The following SNRPN variants were observed in gnomAD, a reference collection of about 807,000 sequenced individuals.
SNRPN encodes small nuclear ribonucleoprotein polypeptide N.
SNRPN carries 7 observed loss-of-function variants against 25.2 expected under a neutral mutation model. The ratio of observed to expected loss-of-function variants is 0.28; its 90% CI spans 0.16 to 0.52. SNRPN has a LOEUF of 0.52. Among genes scored for constraint, SNRPN ranks in the 20% least tolerant of loss-of-function variants. SNRPN has a pLI of 0.96. For missense variants in SNRPN, 196 were observed against 322.5 expected, an observed-to-expected ratio of 0.61 and a Z score of 3.00; for synonymous variants, 124 against 110.6, an observed-to-expected ratio of 1.12 and a Z score of -0.76.
intron 1 of SNRPN, among the ~76,000 whole-genome samples, chr15:24,884,148 C>A (rs78420938): frequency 4.9e-3 from 514 of 104,484 alleles, no homozygotes; most frequent in Admixed American, 5.7e-3. Context: ...CCTGCCTCTA[C>A]AAAAAAAAAA....
intron 2 of SNRPN, among the ~76,000 whole-genome samples, chr15:24,918,146 T>C (rs1055324108): frequency 6.6e-6 from 1 of 151,804 alleles, no homozygotes; most frequent in Middle Eastern, 3.2e-3. Flanking sequence ...CATATGTGTA[T>C]ACTGAATTTG....
In SNRPN at chr15:24,967,953, T is replaced by C. The variant is rs150955815; in HGVS notation, c.-273T>C. On this transcript the variant is annotated 5_prime_UTR_variant, in exon 3 of 10. Coordinates refer to ENST00000390687, the MANE Select transcript of SNRPN (RefSeq NM_003097.6). ...GTAGGTGTCAGTTGTACCCGAGGCGTTCTCAGCAGCAGCAAGTACCTGTGG... is the reference window on the plus strand; with the variant it reads ...GTAGGTGTCAGTTGTACCCGAGGCGCTCTCAGCAGCAGCAAGTACCTGTGG... 22 of 1,614,054 alleles carry C rather than the reference T, an allele frequency of 1.4e-5. No individual in the cohort carries two copies. In the African/African-American group the frequency reaches 2.9e-4, roughly 22 times the overall value.
intron 3 of SNRPN, among the ~76,000 whole-genome samples, chr15:24,941,346 C>A (rs1474693610): frequency 1.3e-5 from 2 of 152,240 alleles, no homozygotes; most frequent in Admixed American, 1.3e-4. Context: ...ATACTCAAGA[C>A]AATTACAGTT....
At chr15:24,851,122 T>C (rs969486073) in intron 2 of SNRPN, 1 of 65,658 alleles carries the variant, frequency 1.5e-5, no homozygotes, top group African/African-American at 4.0e-5. Flanking sequence ...CTCACTTTGT[T>C]GCCCAGGCTG....
At chr15:24,945,401 C>T (rs1471235594) in intron 3 of SNRPN, among the ~76,000 whole-genome samples, 2 of 143,508 alleles carry the variant, frequency 1.4e-5, no homozygotes, top group African/African-American at 5.2e-5. Context: ...GGTACCTGTG[C>T]ATATCACTAT....
chr15:24,957,947 G>C (rs2063192058), intron 1 of SNRPN, among the ~76,000 whole-genome samples: 2 of 152,116 alleles, frequency 1.3e-5, no homozygotes, highest in Admixed American at 1.3e-4. Flanking sequence ...AATTGGCTCT[G>C]TGCTAGGGCT....
chr15:24,974,409 C>A lies in SNRPN; in HGVS notation c.-45C>A. On this transcript the variant is annotated 5_prime_UTR_variant, in exon 4 of 10. Transcript: ENST00000390687. ...TAGCCTTCCCCTAGGTCTTCAGAAG[C>A]ATCAAGTTTTAACTGTGGACATTGG... The A allele has an allele frequency of 6.2e-7, 1 of 1,602,704 alleles. No homozygotes were observed. The highest frequency in any genetic ancestry group is 8.5e-7 in the Non-Finnish European group (1 of 1,169,772).
chr15:24,952,726 T>C (rs1302480656), upstream of SNRPN, among the ~76,000 whole-genome samples: 2 of 152,142 alleles, frequency 1.3e-5, no homozygotes, highest in Admixed American at 1.3e-4. Flanking sequence ...GAATTGAATA[T>C]AATTTTATTT....
At chr15:24,886,002 T>G (rs1316441014) in intron 1 of SNRPN, among the ~76,000 whole-genome samples, 1 of 152,150 alleles carries the variant, frequency 6.6e-6, no homozygotes, top group Admixed American at 6.6e-5. Flanking sequence ...TAGCCTCACT[T>G]CTCTTTCTCC....
intron 2 of SNRPN, among the ~76,000 whole-genome samples, chr15:24,832,524 A>G (rs1384154959): frequency 2.0e-5 from 3 of 152,056 alleles, no homozygotes; most frequent in Admixed American, 2.0e-4. Flanking sequence ...GGAGGATTGA[A>G]AAAAGGGCAC....
At chr15:24,857,877 T>A (rs1350014940) in intron 1 of SNRPN, among the ~76,000 whole-genome samples, 1 of 152,020 alleles carries the variant, frequency 6.6e-6, no homozygotes, top group African/African-American at 2.4e-5. Context: ...TAAGAATAAT[T>A]TGGTGGGTAG....
intron 3 of SNRPN, among the ~76,000 whole-genome samples, chr15:24,938,857 G>A (rs999942671): frequency 6.6e-6 from 1 of 152,138 alleles, no homozygotes; most frequent in African/African-American, 2.4e-5. Flanking sequence ...AGTGGCCAGC[G>A]AGAGTTAGCT....
At chr15:24,846,208 C>T (rs567522187) in intron 2 of SNRPN, among the ~76,000 whole-genome samples, 3 of 152,216 alleles carry the variant, frequency 2.0e-5, no homozygotes, top group African/African-American at 2.4e-5. Flanking sequence ...CCAGAGCACA[C>T]ATTTTGCACA....
At chr15:24,941,647 A>G (rs2061562950) in intron 3 of SNRPN, among the ~76,000 whole-genome samples, 1 of 152,192 alleles carries the variant, frequency 6.6e-6, no homozygotes, top group Non-Finnish European at 1.5e-5. Context: ...TCCTTTGTGA[A>G]GCAGAAGTCC....
intron 2 of SNRPN, among the ~76,000 whole-genome samples, chr15:24,917,733 C>T (rs1348298305): frequency 1.3e-5 from 2 of 152,224 alleles, no homozygotes; most frequent in African/African-American, 4.8e-5. Flanking sequence ...CACGGGAAGC[C>T]CGTGTTCCAT....
intron 3 of SNRPN, among the ~76,000 whole-genome samples, chr15:24,969,209 A>G (rs2076083632): frequency 6.6e-6 from 1 of 152,162 alleles, no homozygotes; most frequent in Non-Finnish European, 1.5e-5. Context: ...GCTCACTGCA[A>G]CCTCTGCCTC....
intron 2 of SNRPN, among the ~76,000 whole-genome samples, chr15:24,963,392 G>A (rs1178028693): frequency 1.3e-5 from 2 of 152,020 alleles, no homozygotes; most frequent in Admixed American, 6.6e-5. Flanking sequence ...TAAGCCAGGC[G>A]GATCACAAGG....
intron 1 of SNRPN, among the ~76,000 whole-genome samples, chr15:24,873,593 G>A (rs1235565328): frequency 6.6e-6 from 1 of 151,886 alleles, no homozygotes; most frequent in African/African-American, 2.4e-5. Flanking sequence ...GACCACAAGT[G>A]CCCACCACCA....
upstream of SNRPN, among the ~76,000 whole-genome samples, chr15:24,855,210 G>C (rs1015495415): frequency 1.3e-5 from 2 of 152,084 alleles, no homozygotes; most frequent in Non-Finnish European, 2.9e-5. Context: ...AATTTATTTT[G>C]CAATTACTAT....
Sources: allele counts gnomAD v4.1 joint callset (sites outside exome capture counted in the v4.1 genomes callset), GRCh38; gene constraint gnomAD v4.1.1; transcripts MANE v1.5; gene names NCBI Gene and HGNC (gene_info 2026-07-23, HGNC 2026-07-21).